Variants in SHANK2 observed in about 807,000 individuals in gnomAD.
SHANK2 encodes SH3 and multiple ankyrin repeat domains protein 2.
A neutral mutation model predicts 133.7 loss-of-function variants in SHANK2; 43 were observed. The ratio of observed to expected loss-of-function variants is 0.32; its 90% CI spans 0.25 to 0.41. SHANK2 has a LOEUF of 0.41. Ranked by LOEUF, SHANK2 falls within the 10% of genes least tolerant of loss-of-function variation. SHANK2 has a pLI of 1.00. For missense variants in SHANK2, 1,994 were observed against 2,235.8 expected (o/e 0.89, Z 2.18); for synonymous variants, 1,017 against 952.8 (o/e 1.07, Z -1.24).
At chr11:70,951,945 C>T (rs1950851385) in intron 10 of SHANK2, among the ~76,000 whole-genome samples, 1 of 152,220 alleles carries the variant, frequency 6.6e-6, no homozygotes. Context: ...TTAGGGCCTC[C>T]CCAATCCAGC....
intron 17 of SHANK2, among the ~76,000 whole-genome samples, chr11:70,550,343 G>A (rs1418103457): frequency 2.0e-5 from 3 of 152,152 alleles, no homozygotes; most frequent in African/African-American, 7.2e-5. Flanking sequence ...GAGCACAGCT[G>A]GTCTTGGAGC....
chr11:71,122,617 G>A (rs1359637211), intron 3 of SHANK2, among the ~76,000 whole-genome samples: 2 of 152,094 alleles, frequency 1.3e-5, no homozygotes, highest in African/African-American at 2.4e-5. Flanking sequence ...TGCACATTGT[G>A]CACATGTACC....
chr11:70,628,813 C>A (rs1011930963), intron 17 of SHANK2, among the ~76,000 whole-genome samples: 1 of 152,210 alleles, frequency 6.6e-6, no homozygotes, highest in African/African-American at 2.4e-5. Context: ...TAGGAAGAGT[C>A]TCTTGACTAG....
At position 70,882,321 on chromosome 11, in the gene SHANK2, T is replaced by G. The variant is rs1949671312; in HGVS notation, c.1174+14180A>C. 6.6e-6 allele frequency among the ~76,000 whole-genome samples: 1 copy of G among 151,876 alleles called. No individual in the cohort carries two copies. The highest frequency in any genetic ancestry group is 1.5e-5 in the Non-Finnish European group (1 of 67,958). ...TGGGACGGGAGAGGGGCCACTGCAG[T>G]GTGGAAGGCAGGCAGAAAGGCCCCT... On this transcript the variant is annotated intron_variant, in intron 11 of 25. Coordinates refer to ENST00000601538, the MANE Select transcript of SHANK2 (RefSeq NM_012309.5). The surrounding 1 kb of genome is among the most constrained non-coding windows in gnomAD (Gnocchi z 4.2).
At chr11:71,242,156 G>A (rs577383990) in intron 1 of SHANK2, among the ~76,000 whole-genome samples, 2 of 152,296 alleles carry the variant, frequency 1.3e-5, no homozygotes, top group East Asian at 1.9e-4. Context: ...AACACTGCAT[G>A]ATTCCACTTG....
At chr11:70,608,049 C>T (rs977871838) in intron 17 of SHANK2, among the ~76,000 whole-genome samples, 1 of 152,236 alleles carries the variant, frequency 6.6e-6, no homozygotes, top group Non-Finnish European at 1.5e-5. Context: ...CTGACCACTG[C>T]CCGCCATGTC....
At chr11:71,178,775 G>C (rs1953493823) in intron 2 of SHANK2, among the ~76,000 whole-genome samples, 1 of 152,166 alleles carries the variant, frequency 6.6e-6, no homozygotes, top group Non-Finnish European at 1.5e-5. Flanking sequence ...CTTGAGCCCA[G>C]GAGTTCAAGA....
intron 17 of SHANK2, among the ~76,000 whole-genome samples, chr11:70,619,642 C>A (rs2060803146): frequency 6.6e-6 from 1 of 152,224 alleles, no homozygotes; most frequent in Non-Finnish European, 1.5e-5. Flanking sequence ...ATTCAGCTGG[C>A]CACTGGCAGG....
chr11:70,685,889 A>G (rs1377650188), intron 15 of SHANK2, among the ~76,000 whole-genome samples: 3 of 152,038 alleles, frequency 2.0e-5, no homozygotes, highest in African/African-American at 7.2e-5. Context: ...ACACTGCCCA[A>G]CTTTGGTCCC....
chr11:71,137,054 G>T (rs1384176231), intron 3 of SHANK2, among the ~76,000 whole-genome samples: 9 of 152,074 alleles, frequency 5.9e-5, no homozygotes, highest in Non-Finnish European at 1.0e-4. Flanking sequence ...GTAGAGACTG[G>T]ATTTCACAAT....
chr11:70,716,898 C>G (rs868994560), intron 14 of SHANK2, among the ~76,000 whole-genome samples: 1 of 144,650 alleles, frequency 6.9e-6, no homozygotes, highest in Admixed American at 6.8e-5. Flanking sequence ...TCCCGGAGCC[C>G]CCCCCCCGCC....
chr11:70,790,544 G>A (rs1446415096), intron 14 of SHANK2, among the ~76,000 whole-genome samples: 1 of 152,226 alleles, frequency 6.6e-6, no homozygotes, highest in Middle Eastern at 3.2e-3. Context: ...AGGTTTCTTT[G>A]AGGAAGAAGA....
intron 10 of SHANK2, among the ~76,000 whole-genome samples, chr11:70,930,615 T>A (rs1394919955): frequency 6.6e-6 from 1 of 151,980 alleles, no homozygotes; most frequent in African/African-American, 2.4e-5. Flanking sequence ...CAGAGGTTGA[T>A]CTTGCAAACA....
At chr11:70,574,310 AACTCATACCACAGG>A (rs2060088799) in intron 17 of SHANK2, among the ~76,000 whole-genome samples, 1 of 152,184 alleles carries the variant, frequency 6.6e-6, no homozygotes, top group African/African-American at 2.4e-5. Context: ...GCCTGCTGGG[AACTCATACCACAGG>A]GCACTAAATT....
intron 17 of SHANK2, among the ~76,000 whole-genome samples, chr11:70,558,753 G>T (rs925018487): frequency 3.9e-5 from 6 of 152,168 alleles, no homozygotes; most frequent in African/African-American, 1.4e-4. Context: ...TGAGCGGGAG[G>T]CGACCAGAAA....
At position 70,882,293 on chromosome 11, in the gene SHANK2, G is replaced by A. The variant is rs2135584265; in HGVS notation, c.1174+14208C>T. Among the ~76,000 whole-genome samples the A allele has an allele frequency of 6.6e-6, 1 of 152,284 alleles. No individual in the cohort carries two copies. The highest frequency in any genetic ancestry group is 2.4e-5 in the African/African-American group (1 of 41,562). ...GTGTTTCCAGGCCTGGTGAGCTCCG[G>A]GGTGGGACGGGAGAGGGGCCACTGC... On this transcript the variant is annotated intron_variant, in intron 11 of 25. Transcript: ENST00000601538. This position sits in a 1 kb window ranked among gnomAD's most constrained non-coding sequence, Gnocchi z 4.2.
At chr11:71,167,063 T>G (rs1187473407) in intron 2 of SHANK2, among the ~76,000 whole-genome samples, 1 of 151,342 alleles carries the variant, frequency 6.6e-6, no homozygotes, top group Non-Finnish European at 1.5e-5. Context: ...CATTTAACCC[T>G]GAGTGGACAC....
chr11:70,498,568 C>A (rs2059005797), intron 21 of SHANK2, among the ~76,000 whole-genome samples: 1 of 152,214 alleles, frequency 6.6e-6, no homozygotes, highest in East Asian at 1.9e-4. Flanking sequence ...GAGCCCAGCA[C>A]AGGGTCTGGG....
At chr11:70,633,894 T>G (rs880000142) in intron 17 of SHANK2, 3 of 152,162 alleles carry the variant, frequency 2.0e-5, no homozygotes, top group Admixed American at 6.5e-5. Flanking sequence ...CCTCCATTTA[T>G]AGGAAGTGGG....
Sources: allele counts gnomAD v4.1 joint callset (sites outside exome capture counted in the v4.1 genomes callset), GRCh38; gene constraint gnomAD v4.1.1; non-coding constraint Gnocchi (gnomAD v3.1); transcripts MANE v1.5; gene names NCBI Gene and HGNC (gene_info 2026-07-23, HGNC 2026-07-21).